Variants in COL27A1 observed in about 807,000 individuals in gnomAD.
The protein encoded by COL27A1 is collagen type XXVII alpha 1 chain, also known as collagen alpha-1(XXVII) chain.
A neutral mutation model predicts 251.3 loss-of-function variants in COL27A1; 106 were observed. That is an observed-to-expected ratio of 0.42 (90% confidence interval 0.36 to 0.50). COL27A1 has a LOEUF of 0.50. COL27A1 is among the 20% of genes least tolerant of loss of function. The pLI, the probability that COL27A1 is intolerant of heterozygous loss-of-function variation, is 0.00. For synonymous variants in COL27A1, 1,000 were observed against 986.3 expected (o/e 1.01, Z -0.26); for missense variants, 2,325 against 2,522.8 (o/e 0.92, Z 1.68).
rs1171472169 is a variant in COL27A1, at chr9:114,187,893, A to G, written c.2016+4818A>G. Among the ~76,000 whole-genome samples, 3 of 152,336 alleles carry G rather than the reference A, an allele frequency of 2.0e-5. No individual in the cohort carries two copies. In the South Asian group the frequency reaches 6.2e-4, roughly 32 times the overall value. The stretch of plus-strand genomic sequence containing the variant: ...TGTAAATGTTAGAATATCTCCAATT[A>G]TTTCATTAGGATAAGTTCATCAAAA... On this transcript the variant is annotated intron_variant, in intron 5 of 60. Transcript: ENST00000356083.
chr9:114,178,278 G>C lies in COL27A1; in HGVS notation c.1909-13G>C, dbSNP rs774821525. 1.9e-5 allele frequency: 30 copies of C among 1,613,308 alleles called. No individual in the cohort carries two copies. The South Asian group carries it at 3.2e-4, about 17-fold the overall frequency. On this transcript the variant is annotated splice_polypyrimidine_tract_variant and intron_variant, in intron 3 of 60. Coordinates refer to ENST00000356083, the MANE Select transcript of COL27A1 (RefSeq NM_032888.4). ...GGGCACTGTCTAATGCTGTCTTCTT[G>C]TTTTCTCCTCAGGGTCCCCCTGGGC...
chr9:114,275,639 C>A (rs1409320219), intron 36 of COL27A1, 22 bp from the exon 37 acceptor site: 1 of 1,499,220 alleles, frequency 6.7e-7, no homozygotes, highest in Non-Finnish European at 9.0e-7. Flanking sequence ...TCTCTCTCCC[C>A]TCTTCATGCC....
intron 13 of COL27A1, among the ~76,000 whole-genome samples, chr9:114,221,946 G>T (rs1410715959): frequency 6.6e-6 from 1 of 152,238 alleles, no homozygotes; most frequent in Non-Finnish European, 1.5e-5. Context: ...CCTTGATCGC[G>T]ATTCCGCTCC....
At chr9:114,170,294 A>G (rs1157109270) in intron 3 of COL27A1, among the ~76,000 whole-genome samples, 1 of 152,246 alleles carries the variant, frequency 6.6e-6, no homozygotes, top group Non-Finnish European at 1.5e-5. Flanking sequence ...GGATGGTCTC[A>G]GGGTCGATGC....
intron 5 of COL27A1, among the ~76,000 whole-genome samples, chr9:114,191,890 G>C (rs1588626495): frequency 6.6e-6 from 1 of 151,698 alleles, no homozygotes; most frequent in Admixed American, 6.5e-5. Flanking sequence ...GAGTTAATAT[G>C]TGTCCAGGGC....
At position 114,282,336 on chromosome 9, in the gene COL27A1, T is replaced by G; in HGVS notation, c.3771+6T>G. 1 of 1,613,962 alleles carries G rather than the reference T, an allele frequency of 6.2e-7. No individual in the cohort carries two copies. The stretch of plus-strand genomic sequence containing the variant: ...AGGGCCGCACTGGAGCCAAGGTAGG[T>G]GTCCCCTTCTGACTTGATAGGCCTG... On this transcript the variant is annotated splice_donor_region_variant and intron_variant, in intron 38 of 60. Coordinates refer to ENST00000356083, the MANE Select transcript of COL27A1 (RefSeq NM_032888.4).
At chr9:114,286,860 C>G (rs1294021721) in intron 41 of COL27A1, among the ~76,000 whole-genome samples, 1 of 152,208 alleles carries the variant, frequency 6.6e-6, no homozygotes, top group East Asian at 1.9e-4. Flanking sequence ...CTAAGACCTT[C>G]CTTCCTCTCA....
At chr9:114,291,006 TC>T in intron 48 of COL27A1, 89 bp downstream of exon 48, 1 of 880,308 alleles carries the variant, frequency 1.1e-6, no homozygotes, top group Non-Finnish European at 1.7e-6. Flanking sequence ...GGCACCCATG[TC>T]CCAGGGCCTG....
intron 5 of COL27A1, among the ~76,000 whole-genome samples, chr9:114,191,484 T>C (rs1448840379): frequency 1.3e-5 from 2 of 152,166 alleles, no homozygotes; most frequent in Non-Finnish European, 2.9e-5. Context: ...TGTGTTCTCA[T>C]TGTTCAGCTC....
intron 24 of COL27A1, among the ~76,000 whole-genome samples, chr9:114,246,316 A>G (rs1351191832): frequency 6.6e-6 from 1 of 152,214 alleles, no homozygotes; most frequent in Non-Finnish European, 1.5e-5. Context: ...CCCTTGGTCT[A>G]GGCATCCCTA....
At chr9:114,307,202 C>G in intron 58 of COL27A1, 1 of 173,856 alleles carries the variant, frequency 5.8e-6, no homozygotes, top group Non-Finnish European at 1.2e-5. Flanking sequence ...CACTCTTGAG[C>G]TGCAAAGGTT....
chr9:114,228,340 C>A (rs1438942243), intron 14 of COL27A1, among the ~76,000 whole-genome samples: 2 of 152,268 alleles, frequency 1.3e-5, no homozygotes, highest in Non-Finnish European at 2.9e-5. Context: ...CAGAGAAAGA[C>A]TCCTCCAGCA....
At chr9:114,302,462 C>T (rs747887307) in intron 56 of COL27A1, among the ~76,000 whole-genome samples, 16 of 152,160 alleles carry the variant, frequency 1.1e-4, no homozygotes, top group Non-Finnish European at 2.2e-4. Flanking sequence ...CGCAGTGGCT[C>T]ATGCCTGTAA....
chr9:114,169,069 C>T lies in COL27A1; in HGVS notation c.1514C>T (p.Ala505Val). The T allele has an allele frequency of 1.2e-6, 2 of 1,614,070 alleles. No individual in the cohort carries two copies. Among genetic ancestry groups the T allele is most frequent in the Non-Finnish European group, 1.7e-6 (2 of 1,179,952 alleles). The change falls in exon 3 of 61, where the codon GCC (alanine) becomes GTC (valine). Residue 505 changes from alanine to valine, a missense_variant. Transcript: ENST00000356083. The part of the protein sequence containing the change: ...PGSTRSTRPP[A>V]TMVPPTSGTS... Reference sequence around the variant, plus strand: ...TCTACCAGGAGTACTCGGCCACCAGCCACGATGGTACCTCCAACTTCGGGC... The same window carrying T: ...TCTACCAGGAGTACTCGGCCACCAGTCACGATGGTACCTCCAACTTCGGGC...
intron 27 of COL27A1, among the ~76,000 whole-genome samples, chr9:114,253,404 AAGAC>A (rs1047916162): frequency 1.4e-4 from 15 of 107,914 alleles, no homozygotes; most frequent in Non-Finnish European, 1.7e-4. Context: ...AAGAGGAAAA[AAGAC>A]AGAAAGAAGA....
chr9:114,240,380 G>A (rs1832675814), intron 20 of COL27A1, 54 bp from the exon 21 acceptor site: 7 of 1,599,018 alleles, frequency 4.4e-6, no homozygotes, highest in Non-Finnish European at 4.3e-6. Context: ...GCCAGCCTGC[G>A]ATGGAGATGG....
rs111969702 is a variant in COL27A1, at chr9:114,180,520, G to A, written c.1962+2176G>A. ...CTGCCCGCCGTCCCACCATCATCCT[G>A]TTTCTAGACTGGAAATTCCATAGAT... On this transcript the variant is annotated intron_variant, in intron 4 of 60. Transcript: ENST00000356083. 2.8e-3 allele frequency among the ~76,000 whole-genome samples: 421 copies of A among 152,222 alleles called. 3 individuals carry two copies. Among genetic ancestry groups the A allele is most frequent in the African/African-American group, 9.7e-3 (403 of 41,558 alleles).
chr9:114,236,858 A>C, intron 17 of COL27A1, 123 bp from the exon 18 acceptor site: 2 of 821,470 alleles, frequency 2.4e-6, no homozygotes, highest in Non-Finnish European at 4.1e-6. Context: ...AAAGGAAGGA[A>C]GGAGCTCATC....
Position 114,156,032 on chromosome 9 carries a change from C to T in COL27A1, c.62+20C>T. On this transcript the variant is annotated intron_variant, in intron 1 of 60. Transcript: ENST00000356083. ...CGGGGGGTGAGTACGAACTCGGGGA[C>T]GCCCCCTCCCTAGCTTCCTGCTGCT... 2.3e-6 allele frequency: 3 copies of T among 1,297,150 alleles called. No homozygotes were observed. The highest frequency in any genetic ancestry group is 6.4e-5 in the South Asian group (2 of 31,376). The allele number at this position is 1,297,150 out of a possible 1,614,324, so 80.4% of individuals were successfully genotyped here. A position where few individuals can be genotyped will look rare whatever the true frequency, so the allele number is the denominator to read the frequency against.
Sources: gnomAD v4.1 joint callset for allele counts (sites outside exome capture counted in the v4.1 genomes callset) on GRCh38, gnomAD v4.1.1 for gene constraint, MANE v1.5 for transcripts, NCBI Gene and HGNC (gene_info 2026-07-23, HGNC 2026-07-21) for gene names.